The following AGBL1 variants were observed in gnomAD, a reference collection of about 807,000 sequenced individuals.
AGBL1 encodes the protein cytosolic carboxypeptidase 4.
AGBL1 carries 130 observed loss-of-function variants against 118.9 expected under a neutral mutation model. That is an observed-to-expected ratio of 1.09 (90% CI 0.95 to 1.26). AGBL1 has a LOEUF of 1.26. Ranked by LOEUF, AGBL1 falls within the 50% of genes most tolerant of loss-of-function variation. The probability of loss-of-function intolerance (pLI) is 0.00; values close to 1 mark genes in which losing one functional copy is unlikely to be tolerated. For synonymous variants in AGBL1, 555 were observed against 478.9 expected (o/e 1.16, Z -2.08); for missense variants, 1,584 against 1,298.1 (o/e 1.22, Z -3.38).
chr15:87,003,129 C>G lies in AGBL1; in HGVS notation c.3323+15041C>G, dbSNP rs181892229. Among the ~76,000 whole-genome samples, 1,240 of 152,186 alleles carry G rather than the reference C, an allele frequency of 8.1e-3. 8 individuals carry two copies. The highest frequency in any genetic ancestry group is 0.014 in the Non-Finnish European group (972 of 67,992). ...GGCTGTGGGTTTGTCATAAATAGCT[C>G]TTATTATTTTCAGATACGTCCCTTC... On this transcript the variant is annotated intron_variant, in intron 24 of 24. Coordinates refer to the AGBL1 transcript ENST00000441037.
intron 17 of AGBL1, among the ~76,000 whole-genome samples, chr15:86,348,780 GA>G (rs60441568): frequency 0.44 from 56,307 of 127,866 alleles, 11,526 homozygotes; most frequent in Middle Eastern, 0.55. Context: ...TGTCTCAAAA[GA>G]AAAAAAAAAA....
At chr15:86,966,158 G>C (rs1364301199) in intron 23 of AGBL1, among the ~76,000 whole-genome samples, 1 of 151,820 alleles carries the variant, frequency 6.6e-6, no homozygotes, top group Admixed American at 6.6e-5. Context: ...AGCAATAAAG[G>C]CTAAGGTATC....
At chr15:86,537,739 C>A (rs2083445008) in intron 19 of AGBL1, among the ~76,000 whole-genome samples, 1 of 152,188 alleles carries the variant, frequency 6.6e-6, no homozygotes, top group Non-Finnish European at 1.5e-5. Context: ...TCTAATGGGT[C>A]CATCTGCAAG....
chr15:86,726,369 A>G (rs1450245454), intron 22 of AGBL1, among the ~76,000 whole-genome samples: 1 of 152,188 alleles, frequency 6.6e-6, no homozygotes, highest in Non-Finnish European at 1.5e-5. Flanking sequence ...TGGACCTCAG[A>G]GTCAGGCATA....
chr15:86,673,499 G>A (rs2142547466), intron 21 of AGBL1, among the ~76,000 whole-genome samples: 1 of 152,274 alleles, frequency 6.6e-6, no homozygotes, highest in East Asian at 1.9e-4. Flanking sequence ...GTACTTACTA[G>A]ATGCTAGGCC....
intron 22 of AGBL1, among the ~76,000 whole-genome samples, chr15:86,793,051 C>T (rs527687084): frequency 3.7e-4 from 56 of 152,108 alleles, no homozygotes; most frequent in African/African-American, 1.0e-3. Context: ...TTAAATTTAA[C>T]GCCATCCTCA....
At chr15:86,422,018 C>T (rs1040729595) in intron 18 of AGBL1, among the ~76,000 whole-genome samples, 2 of 152,048 alleles carry the variant, frequency 1.3e-5, no homozygotes, top group Non-Finnish European at 2.9e-5. Context: ...TTTAACACCC[C>T]ACTGTCAATA....
intron 22 of AGBL1, among the ~76,000 whole-genome samples, chr15:86,874,381 G>GACACACACACACACACAC (rs58756904): frequency 2.1e-4 from 32 of 149,018 alleles, no homozygotes; most frequent in East Asian, 1.2e-3. Flanking sequence ...TTGTGGGTGG[G>GACACACACACACACACAC]ACACACACAC....
intron 22 of AGBL1, among the ~76,000 whole-genome samples, chr15:86,889,107 C>T (rs1019281077): frequency 2.0e-5 from 3 of 151,772 alleles, no homozygotes; most frequent in East Asian, 1.9e-4. Context: ...ATTTGTTTTC[C>T]GTTCACTGAA....
intron 7 of AGBL1, among the ~76,000 whole-genome samples, chr15:86,253,894 A>C (rs1469046531): frequency 6.6e-6 from 1 of 152,130 alleles, no homozygotes; most frequent in Admixed American, 6.6e-5. Context: ...ATACCCATTA[A>C]ACTGATTTAT....
At chr15:86,202,640 G>A (rs1208775510) in intron 5 of AGBL1, among the ~76,000 whole-genome samples, 1 of 151,948 alleles carries the variant, frequency 6.6e-6, no homozygotes, top group Non-Finnish European at 1.5e-5. Context: ...TTATGTTGGG[G>A]GTAATGTTTT....
intron 21 of AGBL1, among the ~76,000 whole-genome samples, chr15:86,573,106 A>G (rs2084034017): frequency 1.3e-5 from 2 of 152,210 alleles, no homozygotes; most frequent in Non-Finnish European, 2.9e-5. Flanking sequence ...TAGTCAACAT[A>G]TATTTACTAG....
intron 22 of AGBL1, among the ~76,000 whole-genome samples, chr15:86,834,590 G>A (rs905782454): frequency 6.6e-6 from 1 of 151,704 alleles, no homozygotes; most frequent in Non-Finnish European, 1.5e-5. Context: ...TCTGAGTGCT[G>A]CTAGGGGAAC....
At chr15:86,848,237 G>GT (rs1555456569) in intron 22 of AGBL1, among the ~76,000 whole-genome samples, 1 of 152,062 alleles carries the variant, frequency 6.6e-6, no homozygotes, top group African/African-American at 2.4e-5. Flanking sequence ...CCTCGACTTT[G>GT]TGTATGCATT....
At chr15:86,877,901 A>G (rs945723821) in intron 22 of AGBL1, among the ~76,000 whole-genome samples, 1 of 152,196 alleles carries the variant, frequency 6.6e-6, no homozygotes, top group African/African-American at 2.4e-5. Flanking sequence ...AAAGCTAAAA[A>G]TGGTGACATT....
At chr15:86,667,119 A>G (rs1327177855) in intron 21 of AGBL1, among the ~76,000 whole-genome samples, 2 of 152,132 alleles carry the variant, frequency 1.3e-5, no homozygotes, top group Admixed American at 6.6e-5. Flanking sequence ...TCATCATGCC[A>G]TTCTTAGAAA....
chr15:86,155,896 A>G (rs2077183054), intron 4 of AGBL1, among the ~76,000 whole-genome samples: 1 of 152,044 alleles, frequency 6.6e-6, no homozygotes, highest in Non-Finnish European at 1.5e-5. Flanking sequence ...AACAAAAGAA[A>G]TGTATTTTCT....
intron 17 of AGBL1, among the ~76,000 whole-genome samples, chr15:86,369,328 G>C (rs2080936206): frequency 2.0e-5 from 3 of 152,122 alleles, no homozygotes. Flanking sequence ...TAAAATTTTT[G>C]TCATATTTTG....
chr15:86,143,622 T>A lies in AGBL1; in HGVS notation c.116-77T>A, dbSNP rs1030175248. On this transcript the variant is annotated intron_variant, in intron 2 of 22. Transcript: ENST00000614907. ...GAACTAATTCTTGCTCTGTCTCTAG[T>A]TGGGAGGTCTGTCTTCTGCTCCAAG... 16 of 1,530,094 alleles carry A rather than the reference T, an allele frequency of 1.0e-5. No individual in the cohort carries two copies. In the Middle Eastern group the frequency reaches 7.0e-4, roughly 66 times the overall value. 94.8% of individuals were successfully genotyped at this position (1,530,094 alleles called of 1,614,324 possible).
Sources: gnomAD v4.1 joint callset for allele counts (sites outside exome capture counted in the v4.1 genomes callset) on GRCh38, gnomAD v4.1.1 for gene constraint, MANE v1.5 for transcripts, NCBI Gene and HGNC (gene_info 2026-07-23, HGNC 2026-07-21) for gene names.